Variants in FTO observed in about 807,000 individuals in gnomAD.
FTO encodes alpha-ketoglutarate-dependent dioxygenase FTO.
FTO carries 47 observed loss-of-function variants against 63.9 expected under a neutral mutation model. That is an observed-to-expected ratio of 0.74 (90% CI 0.58 to 0.94). The LOEUF (loss-of-function observed/expected upper bound fraction) is 0.94. Ranked by LOEUF, FTO falls within the 40% of genes least tolerant of loss-of-function variation. The pLI, the probability that FTO is intolerant of heterozygous loss-of-function variation, is 0.00. For synonymous variants in FTO, 207 were observed against 224.4 expected (o/e 0.92, Z 0.69); for missense variants, 562 against 618.1 (o/e 0.91, Z 0.96).
At chr16:53,726,902 G>A (rs1209856392) in intron 1 of FTO, among the ~76,000 whole-genome samples, 1 of 152,132 alleles carries the variant, frequency 6.6e-6, no homozygotes, top group East Asian at 1.9e-4. Context: ...CTGTCAAAAG[G>A]AGCCTGCCAT....
chr16:53,775,858 G>A (rs920127601), intron 1 of FTO, among the ~76,000 whole-genome samples: 25 of 152,004 alleles, frequency 1.6e-4, no homozygotes, highest in African/African-American at 5.5e-4. Context: ...CATACTTATA[G>A]CATGGTTTAC....
intron 4 of FTO, among the ~76,000 whole-genome samples, chr16:53,864,297 G>T (rs1461839393): frequency 2.0e-5 from 3 of 152,138 alleles, no homozygotes; most frequent in Non-Finnish European, 4.4e-5. Context: ...AGAAATTTGG[G>T]TGAAATGGCC....
intron 1 of FTO, among the ~76,000 whole-genome samples, chr16:53,794,129 A>G (rs1215601314): frequency 1.3e-5 from 2 of 152,226 alleles, no homozygotes; most frequent in Non-Finnish European, 2.9e-5. Context: ...CATGTACCAT[A>G]GCATTTTTCT....
chr16:54,066,807 C>T (rs1459375879), intron 8 of FTO, among the ~76,000 whole-genome samples: 1 of 152,316 alleles, frequency 6.6e-6, no homozygotes, highest in South Asian at 2.1e-4. Context: ...GCAAAAGCAA[C>T]GGGACAAACA....
intron 3 of FTO, among the ~76,000 whole-genome samples, chr16:53,840,817 A>G (rs2079452941): frequency 6.6e-6 from 1 of 152,076 alleles, no homozygotes; most frequent in Admixed American, 6.5e-5. Flanking sequence ...TAAAATGGGC[A>G]GCTACTTCTT....
Position 53,718,163 on chromosome 16 carries a change from C to G in FTO, c.45+13934C>G, listed in dbSNP as rs145401128. Among the ~76,000 whole-genome samples the G allele has an allele frequency of 7.2e-3, 1,094 of 152,098 alleles. 12 individuals are homozygous for G. Among genetic ancestry groups the G allele is most frequent in the African/African-American group, 0.025 (1,028 of 41,530 alleles). On this transcript the variant is annotated intron_variant, in intron 1 of 8. Transcript: ENST00000471389. The stretch of plus-strand genomic sequence containing the variant: ...TTTCTCATTCAATAATTATCTGTCT[C>G]TACATTTATTTAAGTTTTATGATCT...
rs116277099 is a variant in FTO at position 53,804,511 on chromosome 16, C to T, written c.46-5629C>T. Among the ~76,000 whole-genome samples, 1,147 of 152,060 alleles carry T rather than the reference C, an allele frequency of 7.5e-3. 16 individuals carry two copies. Among genetic ancestry groups the T allele is most frequent in the African/African-American group, 0.026 (1,090 of 41,480 alleles). The stretch of plus-strand genomic sequence containing the variant: ...TATTTTCATGGAGAGGGAAGTTTTT[C>T]GTAGGACAAGGAATGCTAAATTTGT... On this transcript the variant is annotated intron_variant, in intron 1 of 8. Coordinates refer to ENST00000471389, the MANE Select transcript of FTO (RefSeq NM_001080432.3).
chr16:53,711,604 G>C (rs996496659), intron 1 of FTO: 2 of 395,744 alleles, frequency 5.1e-6, no homozygotes, highest in Admixed American at 8.8e-5. Context: ...GATTCCTTAC[G>C]GGGTTTTTCA....
intron 8 of FTO, among the ~76,000 whole-genome samples, chr16:54,094,303 A>G (rs967538690): frequency 1.3e-5 from 2 of 152,184 alleles, no homozygotes; most frequent in Non-Finnish European, 2.9e-5. Flanking sequence ...TTGGCAACTC[A>G]TCCTTCTTTT....
At chr16:53,746,360 C>T (rs1035686367) in intron 1 of FTO, among the ~76,000 whole-genome samples, 2 of 152,088 alleles carry the variant, frequency 1.3e-5, no homozygotes, top group Non-Finnish European at 2.9e-5. Flanking sequence ...CATTCCCTTC[C>T]CCCATCAACA....
At chr16:54,065,391 T>A (rs112365280) in intron 8 of FTO, among the ~76,000 whole-genome samples, 7 of 151,962 alleles carry the variant, frequency 4.6e-5, no homozygotes, top group Non-Finnish European at 8.8e-5. Context: ...CTCGAACTCC[T>A]GGACTCAAGC....
intron 1 of FTO, among the ~76,000 whole-genome samples, chr16:53,720,229 A>G (rs1475387094): frequency 6.6e-6 from 1 of 152,180 alleles, no homozygotes; most frequent in Non-Finnish European, 1.5e-5. Flanking sequence ...ATTACCTTGT[A>G]TGAGTCCTCC....
chr16:53,769,474 G>A (rs966156823), intron 1 of FTO, among the ~76,000 whole-genome samples: 2 of 152,132 alleles, frequency 1.3e-5, no homozygotes, highest in Non-Finnish European at 2.9e-5. Flanking sequence ...GATCAAATAA[G>A]TTAATTCATG....
chr16:53,970,998 G>A (rs1326657355), intron 8 of FTO, among the ~76,000 whole-genome samples: 4 of 152,102 alleles, frequency 2.6e-5, no homozygotes, highest in Non-Finnish European at 5.9e-5. Context: ...ATGTTTAGAT[G>A]TTTCCCTTTG....
chr16:53,955,413 T>C (rs2082905824), intron 8 of FTO, among the ~76,000 whole-genome samples: 1 of 151,742 alleles, frequency 6.6e-6, no homozygotes, highest in Non-Finnish European at 1.5e-5. Context: ...AGGTAGGCAA[T>C]TGGGGAGGGG....
At chr16:53,766,721 A>G (rs2077213390) in intron 1 of FTO, among the ~76,000 whole-genome samples, 1 of 152,162 alleles carries the variant, frequency 6.6e-6, no homozygotes, top group Non-Finnish European at 1.5e-5. Context: ...CATCCACTAT[A>G]TAGGTGATGG....
At chr16:53,769,791 G>A (rs2077291546) in intron 1 of FTO, among the ~76,000 whole-genome samples, 1 of 152,010 alleles carries the variant, frequency 6.6e-6, no homozygotes, top group African/African-American at 2.4e-5. Flanking sequence ...GTAATGAGTA[G>A]GTAAACAGGG....
chr16:53,962,988 A>C (rs2143651093), intron 8 of FTO, among the ~76,000 whole-genome samples: 1 of 152,360 alleles, frequency 6.6e-6, no homozygotes, highest in African/African-American at 2.4e-5. Flanking sequence ...TCCAATAGGA[A>C]AAACTGGCAT....
chr16:53,823,800 C>G (rs2078930470), intron 2 of FTO, among the ~76,000 whole-genome samples: 1 of 152,126 alleles, frequency 6.6e-6, no homozygotes, highest in Non-Finnish European at 1.5e-5. Flanking sequence ...GCAGGAGAAT[C>G]ACTTGAACCC....
Sources: allele counts gnomAD v4.1 joint callset (sites outside exome capture counted in the v4.1 genomes callset), GRCh38; gene constraint gnomAD v4.1.1; transcripts MANE v1.5; gene names NCBI Gene and HGNC (gene_info 2026-07-23, HGNC 2026-07-21).